Variants in ACSM3 observed in about 807,000 individuals in gnomAD.
ACSM3 encodes the protein acyl-coenzyme A synthetase ACSM3, mitochondrial.
In ACSM3, 61 loss-of-function variants were observed where a neutral mutation model predicts 74.1. The ratio of observed to expected loss-of-function variants is 0.82; its 90% CI spans 0.67 to 1.02. ACSM3 has a LOEUF of 1.02. Among genes scored for constraint, ACSM3 ranks in the 50% least tolerant of loss-of-function variants. The pLI is 0.00. For missense variants in ACSM3, 660 were observed against 697.0 expected (o/e 0.95, Z 0.60); for synonymous variants, 213 against 241.5 (o/e 0.88, Z 1.09).
At chr16:20,738,288 T>C (rs2079888275) in intron 1 of ACSM3, 1 of 456,970 alleles carries the variant, frequency 2.2e-6, no homozygotes, top group Non-Finnish European at 4.3e-6. Flanking sequence ...ACAGAGTACA[T>C]TAAACAGTAC....
chr16:20,743,398 C>T (rs7202370), intron 1 of ACSM3, among the ~76,000 whole-genome samples: 52 of 152,226 alleles, frequency 3.4e-4, no homozygotes, highest in African/African-American at 1.2e-3. Flanking sequence ...GCTTTCGTTG[C>T]GGCCTTTTAT....
chr16:20,724,332 C>T (rs1483800304), intron 1 of ACSM3, among the ~76,000 whole-genome samples: 2 of 152,196 alleles, frequency 1.3e-5, no homozygotes, highest in Non-Finnish European at 2.9e-5. Flanking sequence ...ATTCAACACC[C>T]TTCATGCTAA....
chr16:20,731,292 G>C (rs1462221017), intron 1 of ACSM3, among the ~76,000 whole-genome samples: 1 of 152,198 alleles, frequency 6.6e-6, no homozygotes, highest in Admixed American at 6.5e-5. Context: ...TAGTGGTATA[G>C]ATTCGAAGGA....
intron 1 of ACSM3, among the ~76,000 whole-genome samples, chr16:20,720,515 G>A (rs1228528514): frequency 6.6e-6 from 1 of 152,198 alleles, no homozygotes; most frequent in East Asian, 1.9e-4. Context: ...ATGAAGCTTT[G>A]CACACTAGCC....
At chr16:20,772,957 G>C (rs2080211368) in intron 2 of ACSM3, among the ~76,000 whole-genome samples, 1 of 146,908 alleles carries the variant, frequency 6.8e-6, no homozygotes, top group South Asian at 2.1e-4. Flanking sequence ...ACAAGAGTGA[G>C]ACTCCCTCTC....
chr16:20,688,013 A>G (rs531827753), intron 1 of ACSM3, among the ~76,000 whole-genome samples: 54 of 151,812 alleles, frequency 3.6e-4, no homozygotes, highest in African/African-American at 1.3e-3. Flanking sequence ...TGAACCCAGG[A>G]GGTGGAGATT....
intron 1 of ACSM3, among the ~76,000 whole-genome samples, chr16:20,722,482 T>C (rs2079789252): frequency 6.6e-6 from 1 of 152,190 alleles, no homozygotes. Flanking sequence ...ATTTAAGATG[T>C]CTAGGCCATT....
At chr16:20,766,343 C>T (rs1489640195) in intron 1 of ACSM3, among the ~76,000 whole-genome samples, 1 of 138,566 alleles carries the variant, frequency 7.2e-6, no homozygotes, top group Non-Finnish European at 1.6e-5. Context: ...GAATGTCATA[C>T]AACTGTTAAA....
upstream of ACSM3, among the ~76,000 whole-genome samples, chr16:20,763,143 C>T (rs2080091135): frequency 6.6e-6 from 1 of 152,192 alleles, no homozygotes; most frequent in Non-Finnish European, 1.5e-5. Flanking sequence ...TATCCATCAA[C>T]TATTTATTGA....
chr16:20,744,621 G>A (rs1017961556), intron 1 of ACSM3, among the ~76,000 whole-genome samples: 1 of 152,174 alleles, frequency 6.6e-6, no homozygotes. Flanking sequence ...CTGACCTCAA[G>A]AGATCTGCCC....
chr16:20,737,234 C>A, intron 1 of ACSM3: 1 of 1,614,146 alleles, frequency 6.2e-7, no homozygotes, highest in Non-Finnish European at 8.5e-7. Flanking sequence ...CCACTGTGTA[C>A]TGTGGATTGG....
At chr16:20,723,830 T>C (rs1406508345) in intron 1 of ACSM3, among the ~76,000 whole-genome samples, 2 of 152,232 alleles carry the variant, frequency 1.3e-5, no homozygotes, top group Non-Finnish European at 2.9e-5. Flanking sequence ...TTCTGTAGGT[T>C]GCCTGTTCAC....
chr16:20,709,978 A>C (rs2079739274), intron 1 of ACSM3, among the ~76,000 whole-genome samples: 1 of 152,202 alleles, frequency 6.6e-6, no homozygotes, highest in Non-Finnish European at 1.5e-5. Context: ...ATGTTCAAGA[A>C]ACAGTAGTGG....
At chr16:20,736,969 G>A in intron 1 of ACSM3, 1 of 1,614,104 alleles carries the variant, frequency 6.2e-7, no homozygotes, top group Middle Eastern at 1.6e-4. Context: ...ACCACCTGTG[G>A]ATTAGACGTT....
intron 1 of ACSM3, among the ~76,000 whole-genome samples, chr16:20,729,938 T>G (rs961857630): frequency 6.6e-6 from 1 of 152,200 alleles, no homozygotes; most frequent in Non-Finnish European, 1.5e-5. Flanking sequence ...TTCTTCCTAT[T>G]TGATAGCAAT....
chr16:20,794,021 A>G (rs1283053289), intron 12 of ACSM3, among the ~76,000 whole-genome samples: 2 of 152,118 alleles, frequency 1.3e-5, no homozygotes, highest in African/African-American at 4.8e-5. Context: ...TGAGGGGGAA[A>G]GTGTGGCCAG....
intron 1 of ACSM3, among the ~76,000 whole-genome samples, chr16:20,764,526 C>T (rs1237526367): frequency 6.6e-6 from 1 of 152,090 alleles, no homozygotes; most frequent in Non-Finnish European, 1.5e-5. Flanking sequence ...GAGTTCGAGA[C>T]CAGCTTGGCC....
chr16:20,741,585 A>G (rs1190749958), intron 1 of ACSM3: 1 of 1,571,040 alleles, frequency 6.4e-7, no homozygotes, highest in Admixed American at 1.9e-5. Flanking sequence ...GCGCTCGTTC[A>G]TATTGCAGGT....
At chr16:20,726,480 T>C (rs1325649989) in intron 1 of ACSM3, among the ~76,000 whole-genome samples, 2 of 152,256 alleles carry the variant, frequency 1.3e-5, no homozygotes, top group Admixed American at 6.5e-5. Flanking sequence ...CCTTTGGTCC[T>C]ATGTGAGCAT....
Sources: allele counts gnomAD v4.1 joint callset (sites outside exome capture counted in the v4.1 genomes callset), GRCh38; gene constraint gnomAD v4.1.1; transcripts MANE v1.5; gene names NCBI Gene and HGNC (gene_info 2026-07-23, HGNC 2026-07-21).